Variants in RRAGD observed in about 807,000 individuals in gnomAD.
RRAGD encodes Ras related GTP binding D.
A neutral mutation model predicts 35.5 loss-of-function variants in RRAGD; 12 were observed. The ratio of observed to expected loss-of-function variants is 0.34; its 90% CI spans 0.22 to 0.55. The LOEUF is 0.55. RRAGD is among the 20% of genes least tolerant of loss of function. The pLI is 0.91. For missense variants in RRAGD, 324 were observed against 490.1 expected, an observed-to-expected ratio of 0.66 and a Z score of 3.20; for synonymous variants, 155 against 178.9, an observed-to-expected ratio of 0.87 and a Z score of 1.07.
chr6:89,391,710 T>A (rs1024356404), intron 1 of RRAGD, among the ~76,000 whole-genome samples: 1 of 152,082 alleles, frequency 6.6e-6, no homozygotes, highest in African/African-American at 2.4e-5. Flanking sequence ...CATAGCACTT[T>A]GGGAGGCCAA....
chr6:89,397,225 CAG>C lies in RRAGD; in HGVS notation c.149-9637_149-9636del, dbSNP rs34241882. Reference sequence around the variant, plus strand: ...TAAGACAGCTAAAATTAGGAAGAATCAGAGTAACAAGTGTTGGCAAGGATGTG... The same window carrying C: ...TAAGACAGCTAAAATTAGGAAGAATCAGTAACAAGTGTTGGCAAGGATGTG... On this transcript the variant is annotated intron_variant, in intron 1 of 6. Coordinates refer to ENST00000369415, the MANE Select transcript of RRAGD (RefSeq NM_021244.5). Among the ~76,000 whole-genome samples the C allele has an allele frequency of 7.0e-3, 1,053 of 151,322 alleles. 10 individuals carry two copies. Among genetic ancestry groups the C allele is most frequent in the Non-Finnish European group, 0.01 (681 of 67,994 alleles).
intron 1 of RRAGD, among the ~76,000 whole-genome samples, chr6:89,389,585 T>C (rs1582514923): frequency 6.8e-6 from 1 of 147,278 alleles, no homozygotes. Context: ...AAGAAGTTGG[T>C]GTAACAGCTC....
At chr6:89,410,583 C>G (rs1769673972) in intron 1 of RRAGD, among the ~76,000 whole-genome samples, 1 of 152,140 alleles carries the variant, frequency 6.6e-6, no homozygotes, top group South Asian at 2.1e-4. Flanking sequence ...TCAGTTTAAG[C>G]AAATGAGGAA....
chr6:89,412,082 A>C lies in RRAGD; in HGVS notation c.-89T>G. The C allele has an allele frequency of 7.5e-7, 1 of 1,332,606 alleles. No homozygotes were observed. Among genetic ancestry groups the C allele is most frequent in the Non-Finnish European group, 9.9e-7 (1 of 1,008,498 alleles). 82.5% of individuals were successfully genotyped at this position (1,332,606 alleles called of 1,614,324 possible). A position where few individuals can be genotyped will look rare whatever the true frequency, so the allele number is the denominator to read the frequency against. On this transcript the variant is annotated 5_prime_UTR_variant, in exon 1 of 7. Coordinates refer to ENST00000369415, the MANE Select transcript of RRAGD (RefSeq NM_021244.5). This position sits in a 1 kb window ranked among gnomAD's most constrained non-coding sequence, Gnocchi z 4.2. Reference sequence around the variant, plus strand: ...GCCGGCCGCCCGCAGCCTATTTCTGAAGCGGAGGTTTGTCTAGAGCTCAGC... The same window carrying C: ...GCCGGCCGCCCGCAGCCTATTTCTGCAGCGGAGGTTTGTCTAGAGCTCAGC...
intron 1 of RRAGD, among the ~76,000 whole-genome samples, chr6:89,404,073 T>C (rs1769533118): frequency 6.6e-6 from 1 of 152,184 alleles, no homozygotes; most frequent in South Asian, 2.1e-4. Flanking sequence ...CGGTTGTCAT[T>C]TGAAGGGATA....
At chr6:89,406,142 C>T (rs1479265124) in intron 1 of RRAGD, among the ~76,000 whole-genome samples, 3 of 152,188 alleles carry the variant, frequency 2.0e-5, no homozygotes, top group African/African-American at 4.8e-5. Context: ...ATAAATACCA[C>T]ATATGAATAT....
At chr6:89,389,715 C>T (rs537558182) in intron 1 of RRAGD, among the ~76,000 whole-genome samples, 16 of 152,180 alleles carry the variant, frequency 1.1e-4, no homozygotes, top group African/African-American at 1.2e-4. Context: ...TGACCAAGAG[C>T]GTGTATATTT....
rs190810647 is a variant in RRAGD, at chr6:89,407,072, G to A, written c.148+4774C>T. Among the ~76,000 whole-genome samples the A allele has an allele frequency of 8.5e-5, 13 of 152,338 alleles. 1 individual carries two copies. The highest frequency in any genetic ancestry group is 6.5e-4 in the Admixed American group (10 of 15,308). ...AAACTTTTTAACAATCACTTTGAGA[G>A]TGCACTAAGGTTGGCTTTACGCAGT... On this transcript the variant is annotated intron_variant, in intron 1 of 6. Coordinates refer to ENST00000369415, the MANE Select transcript of RRAGD (RefSeq NM_021244.5).
intron 2 of RRAGD, 51 bp from the exon 3 acceptor site, chr6:89,380,418 C>T (rs765458386): frequency 6.7e-7 from 1 of 1,492,242 alleles, no homozygotes; most frequent in Non-Finnish European, 9.3e-7. Context: ...CTTCCTGAGC[C>T]TCCCACACAC....
chr6:89,377,847 A>G, intron 4 of RRAGD, 34 bp from the exon 5 acceptor site: 1 of 1,557,792 alleles, frequency 6.4e-7, no homozygotes, highest in Non-Finnish European at 8.7e-7. Flanking sequence ...CCTTAAAGCA[A>G]CAGTCAACTT....
In RRAGD at chr6:89,412,195, C is replaced by T. The variant is rs1466489933; in HGVS notation, c.-202G>A. 4 of 338,074 alleles carry T rather than the reference C, an allele frequency of 1.2e-5. No individual in the cohort carries two copies. The highest frequency in any genetic ancestry group is 4.3e-5 in the African/African-American group (2 of 46,054). 20.9% of individuals were successfully genotyped at this position (338,074 alleles called of 1,614,324 possible). ...CGGTTCCCAGCGCGCCCGAAGCCCCCTCCCCCGCCCCGCCCGCCGGCGGAG... is the reference window on the plus strand; with the variant it reads ...CGGTTCCCAGCGCGCCCGAAGCCCCTTCCCCCGCCCCGCCCGCCGGCGGAG... On this transcript the variant is annotated 5_prime_UTR_variant, in exon 1 of 7. Coordinates refer to ENST00000369415, the MANE Select transcript of RRAGD (RefSeq NM_021244.5). This position sits in a 1 kb window ranked among gnomAD's most constrained non-coding sequence, Gnocchi z 4.2.
At chr6:89,373,731 G>A (rs991011552) in intron 5 of RRAGD, among the ~76,000 whole-genome samples, 1 of 152,076 alleles carries the variant, frequency 6.6e-6, no homozygotes, top group African/African-American at 2.4e-5. Flanking sequence ...ATGTGAGCTT[G>A]GACAAGTCGA....
At chr6:89,408,736 G>C (rs943318259) in intron 1 of RRAGD, among the ~76,000 whole-genome samples, 1 of 152,090 alleles carries the variant, frequency 6.6e-6, no homozygotes, top group Non-Finnish European at 1.5e-5. Flanking sequence ...GAGGGGTTTT[G>C]GGGGGAAAAC....
chr6:89,377,842 A>G, intron 4 of RRAGD, 29 bp from the exon 5 acceptor site: 1 of 1,573,692 alleles, frequency 6.4e-7, no homozygotes, highest in Non-Finnish European at 8.6e-7. Context: ...AGTTGCCTTA[A>G]AGCAACAGTC....
chr6:89,412,229 C>G lies in RRAGD; in HGVS notation c.-236G>C, dbSNP rs866425159. ...CCCGCCCGCCGGCGGAGGAGTCAGC[C>G]GGAGCGCGGCAGTTCCTCCCGGAGG... On this transcript the variant is annotated 5_prime_UTR_variant, in exon 1 of 7. Transcript: ENST00000369415. This position sits in a 1 kb window ranked among gnomAD's most constrained non-coding sequence, Gnocchi z 4.2. 6.1e-5 allele frequency: 17 copies of G among 280,328 alleles called. No homozygotes were observed. In the Middle Eastern group the frequency reaches 6.1e-3, roughly 101 times the overall value. 17.4% of individuals were successfully genotyped at this position (280,328 alleles called of 1,614,324 possible).
rs1224992656 is a variant in RRAGD, at chr6:89,411,811, G to A, written c.148+35C>T. 5 of 1,533,182 alleles carry A rather than the reference G, an allele frequency of 3.3e-6. No individual in the cohort carries two copies. Among genetic ancestry groups the A allele is most frequent in the Admixed American group, 2.0e-5 (1 of 51,080 alleles). 95.0% of individuals were successfully genotyped at this position (1,533,182 alleles called of 1,614,324 possible). ...GGGAAGGCGCCAAGGGGAGGAAAGG[G>A]GCGCGAGCCGAGGACGCGGGGGCCG... is the stretch of plus-strand genomic sequence containing the variant. On this transcript the variant is annotated intron_variant, in intron 1 of 6. Transcript: ENST00000369415. This position sits in a 1 kb window ranked among gnomAD's most constrained non-coding sequence, Gnocchi z 5.6.
intron 2 of RRAGD, 90 bp downstream of exon 2, chr6:89,387,205 T>C (rs1356857402): frequency 8.5e-6 from 11 of 1,299,082 alleles, no homozygotes; most frequent in African/African-American, 1.5e-5. Flanking sequence ...TAGAAAGGCC[T>C]ATTCCAGAGT....
chr6:89,401,480 T>C (rs1769460310), intron 1 of RRAGD, among the ~76,000 whole-genome samples: 1 of 152,150 alleles, frequency 6.6e-6, no homozygotes, highest in Non-Finnish European at 1.5e-5. Context: ...GGTCTTGAAC[T>C]CCTGACCTTG....
At chr6:89,400,949 C>T (rs1769448008) in intron 1 of RRAGD, among the ~76,000 whole-genome samples, 1 of 152,134 alleles carries the variant, frequency 6.6e-6, no homozygotes, top group Admixed American at 6.5e-5. Context: ...CAGGAAGGTT[C>T]CCTGAACACT....
Sources: allele counts gnomAD v4.1 joint callset (sites outside exome capture counted in the v4.1 genomes callset), GRCh38; gene constraint gnomAD v4.1.1; non-coding constraint Gnocchi (gnomAD v3.1); transcripts MANE v1.5; gene names NCBI Gene and HGNC (gene_info 2026-07-23, HGNC 2026-07-21).